Variants in ZMYM4 observed in about 807,000 individuals in gnomAD.
The protein encoded by ZMYM4 is zinc finger MYM-type containing 4, also known as zinc finger MYM-type protein 4.
A neutral mutation model predicts 183.2 loss-of-function variants in ZMYM4; 31 were observed. The ratio of observed to expected loss-of-function variants is 0.17; its 90% CI spans 0.13 to 0.23. ZMYM4 has a LOEUF of 0.23. Ranked by LOEUF, ZMYM4 falls within the 10% of genes least tolerant of loss-of-function variation. The pLI is 1.00. For missense variants in ZMYM4, 1,273 were observed against 1,840.3 expected, an observed-to-expected ratio of 0.69 and a Z score of 5.64; for synonymous variants, 592 against 631.2, an observed-to-expected ratio of 0.94 and a Z score of 0.93.
chr1:35,307,508 T>G, intron 1 of ZMYM4, among the ~76,000 whole-genome samples: 1 of 150,030 alleles, frequency 6.7e-6, no homozygotes, highest in Admixed American at 6.6e-5. Flanking sequence ...AAAAAAAATT[T>G]TTAATTATTT....
At chr1:35,397,351 C>G (rs781089307) in intron 19 of ZMYM4, 26 bp from the exon 20 acceptor site, 45 of 1,510,572 alleles carry the variant, frequency 3.0e-5, no homozygotes, top group African/African-American at 4.2e-5. Context: ...CCAAAGAAAG[C>G]CTTCAGTCTA....
At chr1:35,356,907 G>A (rs372334038) in intron 2 of ZMYM4, among the ~76,000 whole-genome samples, 1 of 152,124 alleles carries the variant, frequency 6.6e-6, no homozygotes, top group African/African-American at 2.4e-5. Context: ...GAAACAGGGG[G>A]TTGCCCTGTC....
chr1:35,403,102 G>A (rs932459809), intron 23 of ZMYM4, among the ~76,000 whole-genome samples: 1 of 152,120 alleles, frequency 6.6e-6, no homozygotes, highest in African/African-American at 2.4e-5. Flanking sequence ...TTCCTCAGGT[G>A]GATTTCTTGC....
intron 13 of ZMYM4, among the ~76,000 whole-genome samples, chr1:35,387,853 A>G (rs1008477563): frequency 4.6e-5 from 7 of 152,228 alleles, no homozygotes; most frequent in Non-Finnish European, 1.0e-4. Context: ...AACATTTAAC[A>G]TCCTTAGGTT....
intron 5 of ZMYM4, among the ~76,000 whole-genome samples, chr1:35,369,353 A>G (rs558253603): frequency 1.4e-4 from 21 of 152,188 alleles, no homozygotes; most frequent in Non-Finnish European, 2.8e-4. Flanking sequence ...CATAGAAATC[A>G]TTGAAATAAA....
chr1:35,357,090 A>C (rs958076005), intron 2 of ZMYM4, among the ~76,000 whole-genome samples: 8 of 152,082 alleles, frequency 5.3e-5, no homozygotes, highest in Admixed American at 2.6e-4. Context: ...GGCTTTTGCT[A>C]TGTTGCCCAG....
intron 1 of ZMYM4, among the ~76,000 whole-genome samples, chr1:35,312,222 G>A (rs1454537753): frequency 2.5e-4 from 38 of 151,966 alleles, no homozygotes; most frequent in East Asian, 1.9e-4. Context: ...CCTGTTTGAC[G>A]TTTGCTTAGC....
chr1:35,322,969 C>T (rs1205360289), intron 1 of ZMYM4, among the ~76,000 whole-genome samples: 4 of 151,168 alleles, frequency 2.6e-5, no homozygotes, highest in East Asian at 1.9e-4. Context: ...GGATTACAGG[C>T]GTGAGTCACC....
intron 2 of ZMYM4, among the ~76,000 whole-genome samples, chr1:35,346,082 AG>A (rs1643381485): frequency 6.6e-6 from 1 of 152,220 alleles, no homozygotes; most frequent in South Asian, 2.1e-4. Context: ...ATGTCTGCAA[AG>A]TTCATCCATT....
At chr1:35,352,723 C>T (rs1165932662) in intron 2 of ZMYM4, among the ~76,000 whole-genome samples, 1 of 152,188 alleles carries the variant, frequency 6.6e-6, no homozygotes, top group Non-Finnish European at 1.5e-5. Context: ...CCTCATTTTT[C>T]TCCTACTCTA....
chr1:35,391,277 C>G (rs1466310242), intron 15 of ZMYM4, among the ~76,000 whole-genome samples: 1 of 152,118 alleles, frequency 6.6e-6, no homozygotes, highest in Non-Finnish European at 1.5e-5. Context: ...AGAATGTAGC[C>G]GTGCTCCTGG....
rs370914418 is a variant in ZMYM4 at position 35,402,544 on chromosome 1, G to A, written c.3529-2479G>A. Among the ~76,000 whole-genome samples, 197 of 152,182 alleles carry A rather than the reference G, an allele frequency of 1.3e-3. 1 individual carries two copies. The highest frequency in any genetic ancestry group is 4.4e-3 in the African/African-American group (182 of 41,524). ...AGCTGGGAGAATTGCTTGAGCCTAG[G>A]GGGGGTCGAGGCTGCAGTAAGCCCT... On this transcript the variant is annotated intron_variant, in intron 23 of 29. Coordinates refer to ENST00000314607, the MANE Select transcript of ZMYM4 (RefSeq NM_005095.3).
chr1:35,368,011 A>G (rs1644127947), intron 5 of ZMYM4, among the ~76,000 whole-genome samples: 1 of 151,824 alleles, frequency 6.6e-6, no homozygotes. Context: ...TAAATTCCAA[A>G]TGGACTAAGG....
intron 1 of ZMYM4, among the ~76,000 whole-genome samples, chr1:35,299,100 T>G (rs1395395553): frequency 6.6e-6 from 1 of 151,460 alleles, no homozygotes; most frequent in South Asian, 2.1e-4. Context: ...ATTCTTGAGC[T>G]CAGGTGATCC....
At chr1:35,271,464 G>T (rs993759579) in intron 1 of ZMYM4, among the ~76,000 whole-genome samples, 2 of 151,986 alleles carry the variant, frequency 1.3e-5, no homozygotes, top group Non-Finnish European at 2.9e-5. Context: ...GTGCGGTGGC[G>T]CAATCTCGGC....
chr1:35,320,626 A>G (rs1642243005), intron 1 of ZMYM4, among the ~76,000 whole-genome samples: 2 of 152,174 alleles, frequency 1.3e-5, no homozygotes, highest in Non-Finnish European at 2.9e-5. Flanking sequence ...TGTGATTGGT[A>G]TCTGAAGTGG....
At chr1:35,354,348 C>T (rs918289578) in intron 2 of ZMYM4, among the ~76,000 whole-genome samples, 5 of 152,146 alleles carry the variant, frequency 3.3e-5, no homozygotes, top group Non-Finnish European at 5.9e-5. Flanking sequence ...TGAACACATA[C>T]GCTGTTTTCA....
chr1:35,415,717 A>G lies in ZMYM4; in HGVS notation c.4309+3A>G, dbSNP rs766877160. 3 of 1,609,568 alleles carry G rather than the reference A, an allele frequency of 1.9e-6. No homozygotes were observed. The highest frequency in any genetic ancestry group is 2.5e-6 in the Non-Finnish European group (3 of 1,179,808). On this transcript the variant is annotated splice_donor_region_variant and intron_variant, in intron 28 of 29. Coordinates refer to ENST00000314607, the MANE Select transcript of ZMYM4 (RefSeq NM_005095.3). ...ACAGAAGCAGGAGTCAGAACCAGGT[A>G]CGGGATACTGTTTGTCAGATTTCTC...
intron 1 of ZMYM4, among the ~76,000 whole-genome samples, chr1:35,321,519 T>C (rs1570348204): frequency 6.6e-6 from 1 of 151,928 alleles, no homozygotes; most frequent in East Asian, 1.9e-4. Context: ...TAGAGGAAAT[T>C]AGGGCTAGAT....
Sources: gnomAD v4.1 joint callset for allele counts (sites outside exome capture counted in the v4.1 genomes callset) on GRCh38, gnomAD v4.1.1 for gene constraint, MANE v1.5 for transcripts, NCBI Gene and HGNC (gene_info 2026-07-23, HGNC 2026-07-21) for gene names.